The following SERPING1 variants were observed in gnomAD, a reference collection of about 807,000 sequenced individuals.
SERPING1 encodes serpin family G member 1.
In SERPING1, 5 loss-of-function variants were observed where a neutral mutation model predicts 34.1. That is an observed-to-expected ratio of 0.15 (90% confidence interval 0.08 to 0.31). The LOEUF (loss-of-function observed/expected upper bound fraction) is 0.31, where lower values mean the gene tolerates loss of function less well. SERPING1 is among the 10% of genes least tolerant of loss of function. SERPING1 has a pLI of 1.00. For synonymous variants in SERPING1, 225 were observed against 242.4 expected (o/e 0.93, Z 0.67); for missense variants, 505 against 609.5 (o/e 0.83, Z 1.81).
At chr11:57,609,745 C>T (rs1945458273) in intron 6 of SERPING1, among the ~76,000 whole-genome samples, 1 of 152,002 alleles carries the variant, frequency 6.6e-6, no homozygotes, top group South Asian at 2.1e-4. Flanking sequence ...TTAATATGCT[C>T]GATTTTCTTT....
intron 6 of SERPING1, among the ~76,000 whole-genome samples, chr11:57,609,610 A>G (rs1308844364): frequency 6.6e-6 from 1 of 152,154 alleles, no homozygotes; most frequent in African/African-American, 2.4e-5. Flanking sequence ...ATTTTTATAT[A>G]AAAACACTCT....
Position 57,614,708 on chromosome 11 carries a change from AG to A in SERPING1, c.*130del. ...CCTCAGGTGTCCGCTATCCACCAAAAGGGCTCCCTGAGGGTCTGGGCAAGGG... is the reference window on the plus strand; with the variant it reads ...CCTCAGGTGTCCGCTATCCACCAAAAGGCTCCCTGAGGGTCTGGGCAAGGG... On this transcript the variant is annotated 3_prime_UTR_variant, in exon 8 of 8. Coordinates refer to ENST00000278407, the MANE Select transcript of SERPING1 (RefSeq NM_000062.3). 2 of 1,157,906 alleles carry A rather than the reference AG, an allele frequency of 1.7e-6. No homozygotes were observed. The highest frequency in any genetic ancestry group is 1.4e-5 in the South Asian group (1 of 69,550). 71.7% of individuals were successfully genotyped at this position (1,157,906 alleles called of 1,614,324 possible).
intron 4 of SERPING1, among the ~76,000 whole-genome samples, chr11:57,603,075 A>C (rs1250706779): frequency 6.6e-6 from 1 of 151,872 alleles, no homozygotes; most frequent in Non-Finnish European, 1.5e-5. Context: ...TCTATTAAAA[A>C]CACAAAAATT....
At chr11:57,601,583 G>C (rs1267281144) in intron 3 of SERPING1, among the ~76,000 whole-genome samples, 1 of 151,970 alleles carries the variant, frequency 6.6e-6, no homozygotes, top group Admixed American at 6.6e-5. Flanking sequence ...TTCTAAAAAG[G>C]CTACAGAATC....
intron 6 of SERPING1, chr11:57,606,802 GA>G: frequency 1.5e-6 from 1 of 677,598 alleles, no homozygotes; most frequent in Admixed American, 2.0e-5. Flanking sequence ...GGCAAAATGT[GA>G]GTCGTGTTCC....
intron 5 of SERPING1, 40 bp from the exon 6 acceptor site, chr11:57,606,368 C>T (rs201299156): frequency 5.0e-6 from 8 of 1,613,328 alleles, no homozygotes; most frequent in Non-Finnish European, 6.8e-6. Context: ...CATCCTTTTC[C>T]TACCTGCATT....
At chr11:57,603,020 G>A (rs1368386462) in intron 4 of SERPING1, among the ~76,000 whole-genome samples, 2 of 151,496 alleles carry the variant, frequency 1.3e-5, no homozygotes, top group Non-Finnish European at 2.9e-5. Context: ...AACACCTGAG[G>A]TCAGGAGTTC....
In SERPING1 at chr11:57,606,218, G is replaced by T. The variant is rs758691350; in HGVS notation, c.889+5G>T. Reference sequence around the variant, plus strand: ...TCAATGCTATCTACCTGAGTGGTAAGGGTGCCCTTAGCCAGTTAGTCTTCC... The same window carrying T: ...TCAATGCTATCTACCTGAGTGGTAATGGTGCCCTTAGCCAGTTAGTCTTCC... On this transcript the variant is annotated splice_donor_5th_base_variant and intron_variant, in intron 5 of 7. Transcript: ENST00000278407. 4.3e-6 allele frequency: 7 copies of T among 1,614,152 alleles called. No individual in the cohort carries two copies. The highest frequency in any genetic ancestry group is 5.9e-6 in the Non-Finnish European group (7 of 1,180,016).
At position 57,614,642 on chromosome 11, in the gene SERPING1, C is replaced by A. The variant is rs1945519530; in HGVS notation, c.*61C>A. The A allele has an allele frequency of 1.3e-6, 2 of 1,568,810 alleles. No individual in the cohort carries two copies. The highest frequency in any genetic ancestry group is 1.7e-6 in the Non-Finnish European group (2 of 1,159,604). ...TCCAGCCTCAGCTCTCAGTTGCAGC[C>A]CTGCTGCTGCCTGCCTGGACTTGGC... is the stretch of plus-strand genomic sequence containing the variant. On this transcript the variant is annotated 3_prime_UTR_variant, in exon 8 of 8. Coordinates refer to ENST00000278407, the MANE Select transcript of SERPING1 (RefSeq NM_000062.3).
intron 4 of SERPING1, 76 bp downstream of exon 4, chr11:57,602,245 A>T: frequency 6.4e-7 from 1 of 1,553,068 alleles, no homozygotes; most frequent in African/African-American, 1.4e-5. Flanking sequence ...AGCGCTGGGG[A>T]AAGAAAGGAC....
intron 3 of SERPING1, among the ~76,000 whole-genome samples, chr11:57,600,914 G>A (rs1397131024): frequency 6.6e-6 from 1 of 150,770 alleles, no homozygotes; most frequent in Admixed American, 6.6e-5. Context: ...CCGCACCATT[G>A]CACTACAGTC....
intron 7 of SERPING1, 89 bp from the exon 8 acceptor site, chr11:57,614,239 A>G (rs1945510746): frequency 1.3e-6 from 2 of 1,524,668 alleles, no homozygotes; most frequent in Non-Finnish European, 1.8e-6. Flanking sequence ...GGGACTCAGG[A>G]TGAACCCAGA....
chr11:57,605,865 A>G (rs1945403120), intron 4 of SERPING1, 145 bp from the exon 5 acceptor site: 1 of 803,720 alleles, frequency 1.2e-6, no homozygotes, highest in Non-Finnish European at 2.2e-6. Context: ...CATCTGTAAG[A>G]GGAGTGGGCT....
intron 1 of SERPING1, 102 bp from the exon 2 acceptor site, chr11:57,598,147 A>T (rs1237625831): frequency 1.2e-6 from 1 of 822,230 alleles, no homozygotes; most frequent in African/African-American, 1.7e-5. Flanking sequence ...ATTCGCTAAG[A>T]GGGACTGGGG....
chr11:57,611,975 G>C (rs949887626), intron 7 of SERPING1, 39 bp downstream of exon 7: 1 of 1,497,826 alleles, frequency 6.7e-7, no homozygotes, highest in Non-Finnish European at 9.3e-7. Flanking sequence ...CAGGCCATCA[G>C]AGGAGAAAGG....
At chr11:57,605,491 A>G (rs1945398776) in intron 4 of SERPING1, 4 of 172,974 alleles carry the variant, frequency 2.3e-5, no homozygotes, top group Admixed American at 5.6e-5. Flanking sequence ...TTGGCCTCCC[A>G]AAGTGCTGCG....
In SERPING1 at chr11:57,602,783, C is replaced by CAA. The variant is rs71470278; in HGVS notation, c.685+624_685+625dup. Reference sequence around the variant, plus strand: ...AAAAAAAACAAAAACAAAACAAAAACAAAAAAAAAAACAAAGAAGGAGAAA... The same window carrying CAA: ...AAAAAAAACAAAAACAAAACAAAAACAAAAAAAAAAAAACAAAGAAGGAGAAA... On this transcript the variant is annotated intron_variant, in intron 4 of 7. Transcript: ENST00000278407. Among the ~76,000 whole-genome samples, 307 of 142,316 alleles carry CAA rather than the reference C, an allele frequency of 2.2e-3. 2 individuals carry two copies. Among genetic ancestry groups the CAA allele is most frequent in the African/African-American group, 5.2e-3 (197 of 37,844 alleles). 93.4% of individuals were successfully genotyped at this position (142,316 alleles called of 152,430 possible).
chr11:57,601,887 A>C, intron 3 of SERPING1, 148 bp from the exon 4 acceptor site: 1 of 494,016 alleles, frequency 2.0e-6, no homozygotes, highest in Non-Finnish European at 3.6e-6. Context: ...AAAAAGAGAG[A>C]TTGAGAGAAC....
At chr11:57,607,222 G>C (rs1402332810) in intron 6 of SERPING1, among the ~76,000 whole-genome samples, 1 of 152,294 alleles carries the variant, frequency 6.6e-6, no homozygotes, top group South Asian at 2.1e-4. Flanking sequence ...GAACATGCTA[G>C]GCTTGGTTCC....
Sources: gnomAD v4.1 joint callset for allele counts (sites outside exome capture counted in the v4.1 genomes callset) on GRCh38, gnomAD v4.1.1 for gene constraint, MANE v1.5 for transcripts, NCBI Gene and HGNC (gene_info 2026-07-23, HGNC 2026-07-21) for gene names.